MEMO1: variants seen among roughly 807,000 people sequenced by gnomAD.
The protein encoded by MEMO1 is mediator of cell motility 1.
In MEMO1, 6 loss-of-function variants were observed where a neutral mutation model predicts 45.2. The ratio of observed to expected loss-of-function variants is 0.13; its 90% CI spans 0.07 to 0.26. MEMO1 has a LOEUF of 0.26. Among genes scored for constraint, MEMO1 ranks in the 10% least tolerant of loss-of-function variants. The probability of loss-of-function intolerance (pLI) is 1.00; values close to 1 mark genes in which losing one functional copy is unlikely to be tolerated. For missense variants in MEMO1, 184 were observed against 370.5 expected (o/e 0.50, Z 4.13); for synonymous variants, 78 against 124.3 (o/e 0.63, Z 2.48).
chr2:31,956,556 G>A (rs2148387699), intron 2 of MEMO1, among the ~76,000 whole-genome samples: 1 of 152,264 alleles, frequency 6.6e-6, no homozygotes, highest in African/African-American at 2.4e-5. Flanking sequence ...TGGTAAGAGA[G>A]GCTGTAATGA....
intron 2 of MEMO1, among the ~76,000 whole-genome samples, chr2:32,004,094 T>C (rs920976091): frequency 1.9e-4 from 29 of 152,156 alleles, no homozygotes; most frequent in African/African-American, 5.8e-4. Flanking sequence ...GGCAGGGGGA[T>C]CGCTTGAGCC....
chr2:31,903,026 ATAAT>A (rs572521341), intron 6 of MEMO1, among the ~76,000 whole-genome samples: 3 of 152,274 alleles, frequency 2.0e-5, no homozygotes, highest in Admixed American at 6.5e-5. Context: ...TGGTATATAA[ATAAT>A]TAAAATCTTA....
chr2:31,916,670 T>C (rs1455181007), intron 6 of MEMO1, among the ~76,000 whole-genome samples: 4 of 152,220 alleles, frequency 2.6e-5, no homozygotes, highest in African/African-American at 9.6e-5. Context: ...GTAATATATA[T>C]GGTTTCACAT....
intron 2 of MEMO1, among the ~76,000 whole-genome samples, chr2:32,005,275 G>C (rs1156659383): frequency 2.2e-5 from 3 of 138,836 alleles, no homozygotes; most frequent in South Asian, 2.3e-4. Flanking sequence ...AGCTATGATC[G>C]AGCCACGGCA....
intron 6 of MEMO1, among the ~76,000 whole-genome samples, chr2:31,896,236 A>G (rs975160466): frequency 2.6e-5 from 4 of 152,140 alleles, no homozygotes; most frequent in African/African-American, 9.7e-5. Context: ...ATATCCATAC[A>G]CCAAAATAAA....
intron 2 of MEMO1, among the ~76,000 whole-genome samples, chr2:31,980,292 G>C (rs374587111): frequency 9.9e-5 from 15 of 152,190 alleles, no homozygotes; most frequent in East Asian, 3.9e-4. Context: ...AATTAGCTGG[G>C]CGTGGTGACA....
intron 5 of MEMO1, among the ~76,000 whole-genome samples, chr2:31,918,409 T>G (rs1681783093): frequency 6.6e-6 from 1 of 152,174 alleles, no homozygotes; most frequent in African/African-American, 2.4e-5. Context: ...CTTTAATCAG[T>G]ACATGCTAGC....
At chr2:31,950,846 G>T (rs1363151509) in intron 2 of MEMO1, among the ~76,000 whole-genome samples, 1 of 151,944 alleles carries the variant, frequency 6.6e-6, no homozygotes, top group African/African-American at 2.4e-5. Context: ...AATAAATAAG[G>T]TATTCTTAAA....
chr2:31,958,558 G>A (rs764373888), intron 2 of MEMO1, among the ~76,000 whole-genome samples: 1 of 151,990 alleles, frequency 6.6e-6, no homozygotes, highest in Non-Finnish European at 1.5e-5. Context: ...CTCTTAGGCC[G>A]AATCAGCAAA....
Position 31,875,954 on chromosome 2 carries a change from T to C in MEMO1, c.658-6002A>G, listed in dbSNP as rs1257953326. 4.6e-5 allele frequency among the ~76,000 whole-genome samples: 7 copies of C among 152,152 alleles called. No individual in the cohort carries two copies. In the East Asian group the frequency reaches 1.2e-3, roughly 25 times the overall value. On this transcript the variant is annotated intron_variant, in intron 8 of 9. Transcript: ENST00000404530. ...TGCTCGCCTCGGCCCCCCAAACTGC[T>C]GGGATTACAGGCATGAGCCACCGCC...
intron 8 of MEMO1, among the ~76,000 whole-genome samples, chr2:31,878,786 T>C (rs1674940150): frequency 8.0e-6 from 1 of 125,068 alleles, no homozygotes; most frequent in Non-Finnish European, 1.7e-5. Flanking sequence ...TATGGTTACC[T>C]AACCAAAAAA....
At chr2:31,994,308 A>G (rs1169577034) in intron 2 of MEMO1, among the ~76,000 whole-genome samples, 1 of 151,842 alleles carries the variant, frequency 6.6e-6, no homozygotes, top group African/African-American at 2.4e-5. Flanking sequence ...ACTCGAGATA[A>G]AAGTCACAAT....
intron 2 of MEMO1, among the ~76,000 whole-genome samples, chr2:31,987,466 A>AT (rs1671409576): frequency 6.6e-6 from 1 of 152,216 alleles, no homozygotes; most frequent in African/African-American, 2.4e-5. Context: ...ACCAATTTAC[A>AT]TTTTTCAAAA....
At chr2:31,884,736 T>C (rs1675931200) in intron 7 of MEMO1, among the ~76,000 whole-genome samples, 1 of 152,188 alleles carries the variant, frequency 6.6e-6, no homozygotes, top group Admixed American at 6.5e-5. Context: ...ACTTTTCGTA[T>C]ACAGTAACAT....
chr2:31,962,583 T>G (rs78879155), intron 2 of MEMO1, among the ~76,000 whole-genome samples: 1 of 152,146 alleles, frequency 6.6e-6, no homozygotes, highest in African/African-American at 2.4e-5. Context: ...AGAAAAGGCA[T>G]CTAAAAATTA....
chr2:31,910,814 T>G (rs900661046), intron 6 of MEMO1, among the ~76,000 whole-genome samples: 4 of 152,016 alleles, frequency 2.6e-5, no homozygotes, highest in Admixed American at 1.3e-4. Flanking sequence ...AAGCCAAGAT[T>G]GTGCACCCCT....
intron 2 of MEMO1, among the ~76,000 whole-genome samples, chr2:31,997,766 T>A (rs185318924): frequency 2.0e-3 from 309 of 152,232 alleles, no homozygotes; most frequent in African/African-American, 6.7e-3. Context: ...GGTAAGAAGT[T>A]GGAATGTGGT....
intron 3 of MEMO1, 53 bp downstream of exon 3, chr2:31,943,249 A>G: frequency 7.4e-7 from 1 of 1,351,026 alleles, no homozygotes; most frequent in Non-Finnish European, 1.1e-6. Flanking sequence ...TGGGCGACAC[A>G]GGGAGACTCC....
At chr2:32,010,704 A>C (rs1036356015) in intron 1 of MEMO1, 32 of 110,100 alleles carry the variant, frequency 2.9e-4, no homozygotes, top group African/African-American at 1.0e-3. Context: ...GGCTCCCCGC[A>C]CCCACCCCCA....
Sources: allele counts gnomAD v4.1 joint callset (sites outside exome capture counted in the v4.1 genomes callset), GRCh38; gene constraint gnomAD v4.1.1; transcripts MANE v1.5; gene names NCBI Gene and HGNC (gene_info 2026-07-23, HGNC 2026-07-21).